SYNE1: variants seen among roughly 807,000 people sequenced by gnomAD.
The protein encoded by SYNE1 is nesprin-1.
A neutral mutation model predicts 1,111.0 loss-of-function variants in SYNE1; 616 were observed. The ratio of observed to expected loss-of-function variants is 0.55; its 90% CI spans 0.52 to 0.59. The LOEUF (loss-of-function observed/expected upper bound fraction) is 0.59. Among genes scored for constraint, SYNE1 ranks in the 20% least tolerant of loss-of-function variants. SYNE1 has a pLI of 0.00. For synonymous variants in SYNE1, 3,855 were observed against 3,825.8 expected (o/e 1.01, Z -0.28); for missense variants, 10,006 against 10,417.0 (o/e 0.96, Z 1.72).
intron 3 of SYNE1, among the ~76,000 whole-genome samples, chr6:152,558,762 G>A (rs184060590): frequency 3.2e-4 from 48 of 152,182 alleles, no homozygotes; most frequent in Non-Finnish European, 5.1e-4. Flanking sequence ...AGTACTTCAC[G>A]TTTGACAATG....
chr6:152,596,490 G>C lies in SYNE1; in HGVS notation c.67+31775C>G, dbSNP rs560044248. On this transcript the variant is annotated intron_variant, in intron 3 of 145. Transcript: ENST00000367255. ...ATGCTGGTCTTGAACTCTTGACCTC[G>C]AGTGATCCGCCCGCCTTGGCCTCCC... Among the ~76,000 whole-genome samples, 11 of 152,078 alleles carry C rather than the reference G, an allele frequency of 7.2e-5. No homozygotes were observed. In the South Asian group the frequency reaches 2.3e-3, roughly 32 times the overall value.
intron 9 of SYNE1, among the ~76,000 whole-genome samples, chr6:152,503,278 T>G (rs1467682161): frequency 1.3e-5 from 2 of 152,160 alleles, no homozygotes; most frequent in African/African-American, 2.4e-5. Context: ...ATGCCTTATA[T>G]TCAATTTCCT....
At chr6:152,370,003 A>AAAAAAAT (rs1292704870) in intron 59 of SYNE1, among the ~76,000 whole-genome samples, 1 of 151,120 alleles carries the variant, frequency 6.6e-6, no homozygotes, top group East Asian at 1.9e-4. Flanking sequence ...AAAAAAAAAA[A>AAAAAAAT]AAAAATTCCA....
At chr6:152,582,903 A>C (rs1241154045) in intron 3 of SYNE1, among the ~76,000 whole-genome samples, 2 of 152,140 alleles carry the variant, frequency 1.3e-5, no homozygotes, top group Admixed American at 1.3e-4. Flanking sequence ...ATTTCTAAAT[A>C]CTTTGTAGAA....
intron 130 of SYNE1, among the ~76,000 whole-genome samples, chr6:152,165,708 G>C (rs944971177): frequency 2.0e-5 from 3 of 152,120 alleles, no homozygotes; most frequent in Non-Finnish European, 2.9e-5. Flanking sequence ...ATTGTACCCT[G>C]TCCCCCAGAC....
intron 63 of SYNE1, among the ~76,000 whole-genome samples, chr6:152,363,413 G>C (rs2096979882): frequency 6.6e-6 from 1 of 150,640 alleles, no homozygotes; most frequent in Non-Finnish European, 1.5e-5. Context: ...AGAATGGCGT[G>C]AACCCGGGAG....
intron 11 of SYNE1, among the ~76,000 whole-genome samples, chr6:152,492,468 C>A (rs1392571150): frequency 6.6e-6 from 1 of 152,224 alleles, no homozygotes; most frequent in Non-Finnish European, 1.5e-5. Flanking sequence ...AGGACCTTCT[C>A]CCCCAGGATC....
At chr6:152,228,955 G>A (rs1371717735) in intron 115 of SYNE1, among the ~76,000 whole-genome samples, 6 of 152,188 alleles carry the variant, frequency 3.9e-5, no homozygotes, top group African/African-American at 7.2e-5. Context: ...TTACTTCAAG[G>A]TATTCTCTAT....
At chr6:152,596,197 A>T (rs1052660927) in intron 3 of SYNE1, among the ~76,000 whole-genome samples, 1 of 149,294 alleles carries the variant, frequency 6.7e-6, no homozygotes, top group Non-Finnish European at 1.5e-5. Flanking sequence ...TTTAAGGCCA[A>T]TTTTACATTA....
chr6:152,370,624 A>G (rs1297300043), intron 59 of SYNE1, among the ~76,000 whole-genome samples: 1 of 152,212 alleles, frequency 6.6e-6, no homozygotes, highest in Non-Finnish European at 1.5e-5. Flanking sequence ...GTCTGCATCT[A>G]CTGTCTCTTA....
chr6:152,313,209 C>A (rs568843254), intron 87 of SYNE1, among the ~76,000 whole-genome samples: 2 of 152,210 alleles, frequency 1.3e-5, no homozygotes, highest in South Asian at 4.2e-4. Context: ...TCCAAGAATG[C>A]TTTTGTTCTT....
At chr6:152,278,928 T>G (rs922881396) in intron 97 of SYNE1, among the ~76,000 whole-genome samples, 1 of 152,088 alleles carries the variant, frequency 6.6e-6, no homozygotes, top group African/African-American at 2.4e-5. Flanking sequence ...ACACCACACC[T>G]GGCTAAATTT....
chr6:152,334,273 C>T lies in SYNE1; in HGVS notation c.12529G>A (p.Asp4177Asn), dbSNP rs1315254349. Residue 4177 changes from aspartate (D) to asparagine (N), a missense_variant and splice_region_variant, in exon 77 of 146, where the codon GAT (aspartate) becomes AAT (asparagine). Asp to Asn is a conservative substitution (Grantham distance 23). Around this residue, in one of 7 missense-constraint regions of SYNE1, gnomAD observed 4,955 missense variants for 5,017.2 expected, o/e 0.99. Transcript: ENST00000367255. Reference sequence around the variant, plus strand: ...TTGCTCTGTAGTTTCTTAACAAAATCCTAAAGGATAACAGCAACAAAAAAT... The same window carrying T: ...TTGCTCTGTAGTTTCTTAACAAAATTCTAAAGGATAACAGCAACAAAAAAT... ...IAQNMVSQVK[D>N]FVKKLQSKQA... 1 of 1,613,224 alleles carries T rather than the reference C, an allele frequency of 6.2e-7. No homozygotes were observed. The highest frequency in any genetic ancestry group is 1.7e-5 in the Admixed American group (1 of 59,986).
At position 152,149,554 on chromosome 6, in the gene SYNE1, G is replaced by A; in HGVS notation, c.24565C>T (p.Leu8189=). ...TGGCAGTACCGTCGGAGCTCATCTA[G>A]TTCCTCCTCGATGATCGCTGCATCC... is the stretch of plus-strand genomic sequence containing the variant. ...PLDAAIIEEE[L]DELRRYCQEV... is the part of the protein sequence containing the mutation. The change falls in exon 136 of 146, where the codon CTA becomes TTA. Residue 8189 remains leucine, a synonymous_variant. Transcript: ENST00000367255. The A allele has an allele frequency of 8.7e-6, 14 of 1,614,146 alleles. No individual in the cohort carries two copies. The highest frequency in any genetic ancestry group is 1.2e-5 in the Non-Finnish European group (14 of 1,180,032).
chr6:152,253,023 G>T (rs1019293535), intron 104 of SYNE1, among the ~76,000 whole-genome samples: 97 of 152,212 alleles, frequency 6.4e-4, no homozygotes, highest in African/African-American at 2.2e-3. Context: ...AGGCACTCGG[G>T]GATTCTGACT....
chr6:152,510,473 C>T, intron 7 of SYNE1, 102 bp from the exon 8 acceptor site: 1 of 1,347,836 alleles, frequency 7.4e-7, no homozygotes, highest in Non-Finnish European at 1.0e-6. Flanking sequence ...TGTTAACACT[C>T]TTGACATTCC....
Position 152,358,433 on chromosome 6 carries a change from G to C in SYNE1, c.10548C>G (p.Asp3516Glu). The C allele has an allele frequency of 6.2e-7, 1 of 1,614,126 alleles. No homozygotes were observed. Among genetic ancestry groups the C allele is most frequent in the Middle Eastern group, 1.6e-4 (1 of 6,062 alleles). Reference sequence around the variant, plus strand: ...CATCACCTTCAAGAACTGAATACTGGTCGAGCTTTTCTTGTTCTTGCCCCA... The same window carrying C: ...CATCACCTTCAAGAACTGAATACTGCTCGAGCTTTTCTTGTTCTTGCCCCA... ...VWLGQEQEKL[D>E]QYSVLEGDAH... Residue 3516 changes from aspartate (D) to glutamate (E), a missense_variant, in exon 66 of 146, where the codon GAC becomes GAG. Asp to Glu is a conservative substitution (Grantham distance 45, BLOSUM62 2). Around this residue, in one of 7 missense-constraint regions of SYNE1, gnomAD observed 4,955 missense variants for 5,017.2 expected, o/e 0.99. Transcript: ENST00000367255.
chr6:152,591,223 CAAAGCCGGAGTTAT>C (rs2099562370), intron 3 of SYNE1, among the ~76,000 whole-genome samples: 2 of 152,112 alleles, frequency 1.3e-5, no homozygotes, highest in South Asian at 4.1e-4. Flanking sequence ...TACTGAAGAA[CAAAGCCGGAGTTAT>C]CACACTACCC....
At chr6:152,437,491 C>T (rs2098484291) in intron 32 of SYNE1, among the ~76,000 whole-genome samples, 1 of 152,104 alleles carries the variant, frequency 6.6e-6, no homozygotes, top group East Asian at 1.9e-4. Flanking sequence ...GTCTCTCATA[C>T]AAACTTGAGG....
Sources: allele counts gnomAD v4.1 joint callset (sites outside exome capture counted in the v4.1 genomes callset), GRCh38; gene constraint gnomAD v4.1.1; regional missense constraint gnomAD v4.1.1; transcripts MANE v1.5; gene names NCBI Gene and HGNC (gene_info 2026-07-23, HGNC 2026-07-21).